The following FHIT variants were observed in gnomAD, a reference collection of about 807,000 sequenced individuals.
FHIT encodes the protein bis(5'-adenosyl)-triphosphatase.
FHIT carries 19 observed loss-of-function variants against 17.9 expected under a neutral mutation model. That is an observed-to-expected ratio of 1.06 (90% CI 0.74 to 1.56). The LOEUF is 1.56. Among genes scored for constraint, FHIT ranks in the 40% most tolerant of loss-of-function variants. The pLI, the probability that FHIT is intolerant of heterozygous loss-of-function variation, is 0.00. For missense variants in FHIT, 248 were observed against 189.2 expected, an observed-to-expected ratio of 1.31 and a Z score of -1.82; for synonymous variants, 81 against 69.7, an observed-to-expected ratio of 1.16 and a Z score of -0.81.
At chr3:60,782,822 T>C (rs1433182486) in intron 4 of FHIT, among the ~76,000 whole-genome samples, 1 of 152,148 alleles carries the variant, frequency 6.6e-6, no homozygotes, top group Non-Finnish European at 1.5e-5. Context: ...ATTGTTTCTG[T>C]ATCCTCACGT....
chr3:60,438,600 G>T lies in FHIT; in HGVS notation c.103+98260C>A, dbSNP rs187512954. Among the ~76,000 whole-genome samples, 68 of 152,036 alleles carry T rather than the reference G, an allele frequency of 4.5e-4. 1 individual carries two copies. Among genetic ancestry groups the T allele is most frequent in the African/African-American group, 1.5e-3 (60 of 41,358 alleles). ...TGTTTAATTTCTTTTAAACTAAGAAGAACTGAGGTCTCACAACAGCCTTCA... is the reference window on the plus strand; with the variant it reads ...TGTTTAATTTCTTTTAAACTAAGAATAACTGAGGTCTCACAACAGCCTTCA... On this transcript the variant is annotated intron_variant, in intron 5 of 9. Transcript: ENST00000492590.
intron 2 of FHIT, among the ~76,000 whole-genome samples, chr3:61,110,165 C>G (rs77301036): frequency 6.6e-6 from 1 of 152,276 alleles, no homozygotes; most frequent in East Asian, 1.9e-4. Context: ...AGGTCCCTCA[C>G]GCTCTTGTTC....
chr3:60,638,565 A>C (rs1016617455), intron 4 of FHIT, among the ~76,000 whole-genome samples: 1 of 152,132 alleles, frequency 6.6e-6, no homozygotes, highest in South Asian at 2.1e-4. Flanking sequence ...CAATCAAATC[A>C]CAATGTCTGG....
chr3:60,874,754 A>G (rs1037880506), intron 3 of FHIT, among the ~76,000 whole-genome samples: 2 of 152,154 alleles, frequency 1.3e-5, no homozygotes. Flanking sequence ...TAATCATGGC[A>G]TATGGCAGGA....
chr3:60,792,496 C>T (rs1425264390), intron 4 of FHIT, among the ~76,000 whole-genome samples: 1 of 152,158 alleles, frequency 6.6e-6, no homozygotes, highest in South Asian at 2.1e-4. Context: ...TTGAATATTA[C>T]CAGCATAAAT....
At chr3:59,920,135 G>A (rs1055174718) in intron 8 of FHIT, among the ~76,000 whole-genome samples, 1 of 152,188 alleles carries the variant, frequency 6.6e-6, no homozygotes, top group African/African-American at 2.4e-5. Context: ...AATAATAACA[G>A]TAAGAACAGA....
At chr3:60,707,618 A>T (rs2041407005) in intron 4 of FHIT, among the ~76,000 whole-genome samples, 1 of 152,206 alleles carries the variant, frequency 6.6e-6, no homozygotes, top group Admixed American at 6.5e-5. Flanking sequence ...ACAAGGTAGC[A>T]ATTAGAGTCC....
At chr3:60,614,079 C>T (rs531874823) in intron 4 of FHIT, among the ~76,000 whole-genome samples, 1 of 152,044 alleles carries the variant, frequency 6.6e-6, no homozygotes, top group Admixed American at 6.5e-5. Flanking sequence ...AGCAAAGTGG[C>T]AGCATTAATA....
chr3:60,246,845 T>A (rs1048804461), intron 5 of FHIT, among the ~76,000 whole-genome samples: 2 of 152,144 alleles, frequency 1.3e-5, no homozygotes, highest in African/African-American at 4.8e-5. Flanking sequence ...TGTTCCTGTT[T>A]CTCTTACTGG....
intron 5 of FHIT, among the ~76,000 whole-genome samples, chr3:60,438,890 T>C (rs1306366863): frequency 6.6e-6 from 1 of 152,140 alleles, no homozygotes; most frequent in Non-Finnish European, 1.5e-5. Context: ...CTCAGTTGTA[T>C]GTTTACCAGG....
chr3:60,731,784 C>T (rs182260017), intron 4 of FHIT, among the ~76,000 whole-genome samples: 30 of 152,186 alleles, frequency 2.0e-4, no homozygotes, highest in Admixed American at 1.9e-3. Context: ...CAGCTGCAAC[C>T]AATTATTATT....
intron 5 of FHIT, among the ~76,000 whole-genome samples, chr3:60,476,930 G>A (rs1440288225): frequency 6.6e-6 from 1 of 151,442 alleles, no homozygotes; most frequent in African/African-American, 2.4e-5. Context: ...CAAAATACTT[G>A]GCTCAGGTAA....
intron 2 of FHIT, among the ~76,000 whole-genome samples, chr3:61,077,485 C>CAAACAAACAAACA (rs1553826816): frequency 2.6e-5 from 4 of 151,422 alleles, no homozygotes; most frequent in African/African-American, 4.8e-5. Context: ...AACAAACAAA[C>CAAACAAACAAACA]AAAAAAAAAC....
chr3:60,265,747 AT>A (rs1706542210), intron 5 of FHIT, among the ~76,000 whole-genome samples: 1 of 151,912 alleles, frequency 6.6e-6, no homozygotes, highest in African/African-American at 2.4e-5. Flanking sequence ...GATGATTCAA[AT>A]TTTTTAAATG....
intron 5 of FHIT, among the ~76,000 whole-genome samples, chr3:60,461,705 G>C (rs913239590): frequency 4.6e-5 from 7 of 152,056 alleles, no homozygotes; most frequent in Non-Finnish European, 7.4e-5. Flanking sequence ...ATTCCAAGTT[G>C]GTCTCTCACC....
rs150350345 is a variant in FHIT at position 60,057,728 on chromosome 3, A to T, written c.104-43576T>A. 9.7e-3 allele frequency among the ~76,000 whole-genome samples: 1,460 copies of T among 150,552 alleles called. 18 individuals are homozygous for T. Among genetic ancestry groups the T allele is most frequent in the African/African-American group, 0.034 (1,392 of 41,058 alleles). On this transcript the variant is annotated intron_variant, in intron 5 of 9. Coordinates refer to ENST00000492590, the MANE Select transcript of FHIT (RefSeq NM_002012.4). ...AAAAAGTATTGGCAAACTGAAACTC[A>T]CCAGATCACCACATTTTGACAATGA...
chr3:60,289,078 C>T (rs1437876089), intron 5 of FHIT, among the ~76,000 whole-genome samples: 1 of 152,106 alleles, frequency 6.6e-6, no homozygotes, highest in Non-Finnish European at 1.5e-5. Flanking sequence ...TCTCCACAAA[C>T]CCAATGGGGT....
intron 5 of FHIT, among the ~76,000 whole-genome samples, chr3:60,139,222 G>T (rs1699934816): frequency 6.6e-6 from 1 of 152,170 alleles, no homozygotes; most frequent in Non-Finnish European, 1.5e-5. Context: ...GTGATGAGGA[G>T]GCTAGCAAGG....
intron 3 of FHIT, among the ~76,000 whole-genome samples, chr3:60,896,656 G>A (rs114081385): frequency 0.049 from 7,383 of 152,204 alleles, 261 homozygotes; most frequent in Non-Finnish European, 0.076. Context: ...GAAACCACCT[G>A]GGCAGGTACC....
Sources: allele counts gnomAD v4.1 joint callset (sites outside exome capture counted in the v4.1 genomes callset), GRCh38; gene constraint gnomAD v4.1.1; transcripts MANE v1.5; gene names NCBI Gene and HGNC (gene_info 2026-07-23, HGNC 2026-07-21).